SMAD2: variants seen among roughly 807,000 people sequenced by gnomAD.
SMAD2 encodes MAD homolog 2.
Under a neutral mutation model 64.4 loss-of-function variants are expected in SMAD2, and 8 were observed. That is an observed-to-expected ratio of 0.12 (90% confidence interval 0.07 to 0.22). The LOEUF is 0.22. Among genes scored for constraint, SMAD2 ranks in the 10% least tolerant of loss-of-function variants. The probability of loss-of-function intolerance (pLI) is 1.00; values close to 1 mark genes in which losing one functional copy is unlikely to be tolerated. For missense variants in SMAD2, 289 were observed against 561.2 expected, an observed-to-expected ratio of 0.51 and a Z score of 4.90; for synonymous variants, 203 against 195.8, an observed-to-expected ratio of 1.04 and a Z score of -0.31.
chr18:47,863,203 G>C (rs1303070254), intron 6 of SMAD2, among the ~76,000 whole-genome samples: 1 of 152,206 alleles, frequency 6.6e-6, no homozygotes, highest in South Asian at 2.1e-4. Context: ...GCATCAGTCA[G>C]AATTGTTTCT....
chr18:47,884,394 G>A (rs2032773872), intron 2 of SMAD2, among the ~76,000 whole-genome samples: 1 of 152,040 alleles, frequency 6.6e-6, no homozygotes, highest in African/African-American at 2.4e-5. Context: ...ACACGTCTAA[G>A]GTCCTACAGC....
chr18:47,922,582 T>C (rs1337380843), intron 1 of SMAD2: 1 of 152,056 alleles, frequency 6.6e-6, no homozygotes, highest in Non-Finnish European at 1.5e-5. Context: ...TCTCATATTC[T>C]GGTGCTTGCA....
chr18:47,851,648 G>A (rs2030096001), intron 6 of SMAD2, among the ~76,000 whole-genome samples: 1 of 151,934 alleles, frequency 6.6e-6, no homozygotes, highest in Non-Finnish European at 1.5e-5. Context: ...ATACATTTTT[G>A]TTCTGTGTCC....
At chr18:47,864,751 T>A (rs2031434507) in intron 6 of SMAD2, among the ~76,000 whole-genome samples, 1 of 152,284 alleles carries the variant, frequency 6.6e-6, no homozygotes, top group East Asian at 1.9e-4. Flanking sequence ...TACTTAGTCA[T>A]AGGGTTACTA....
intron 2 of SMAD2, among the ~76,000 whole-genome samples, chr18:47,873,073 C>G (rs1458978454): frequency 6.6e-6 from 1 of 151,988 alleles, no homozygotes; most frequent in Non-Finnish European, 1.5e-5. Context: ...GTCCTGGACT[C>G]AAGTGATCCT....
chr18:47,851,710 T>A (rs1280917580), intron 6 of SMAD2, among the ~76,000 whole-genome samples: 1 of 152,168 alleles, frequency 6.6e-6, no homozygotes, highest in Non-Finnish European at 1.5e-5. Context: ...TATTATTCTA[T>A]CAGATTGTTC....
At chr18:47,867,952 A>G (rs1048245529) in intron 5 of SMAD2, among the ~76,000 whole-genome samples, 11 of 152,182 alleles carry the variant, frequency 7.2e-5, no homozygotes, top group Non-Finnish European at 1.5e-4. Flanking sequence ...CATTGGGTGG[A>G]TATTCAGTTA....
Position 47,810,649 on chromosome 18 carries a change from T to C in SMAD2, c.*31178A>G, listed in dbSNP as rs1276590052. ...CTAACATTTGACTTGGAAATATAAA[T>C]AAAGCCCAGGCATGGTGGCTCATGC... On this transcript the variant is annotated 3_prime_UTR_variant, in exon 11 of 11. Transcript: ENST00000262160. 2.0e-5 allele frequency: 3 copies of C among 152,102 alleles called. No homozygotes were observed. Among genetic ancestry groups the C allele is most frequent in the African/African-American group, 7.2e-5 (3 of 41,418 alleles). 9.4% of individuals were successfully genotyped at this position (152,102 alleles called of 1,614,324 possible). A position where few individuals can be genotyped will look rare whatever the true frequency, so the allele number is the denominator to read the frequency against.
chr18:47,888,912 T>C (rs1003182377), intron 2 of SMAD2, among the ~76,000 whole-genome samples: 3 of 152,154 alleles, frequency 2.0e-5, no homozygotes, highest in Non-Finnish European at 2.9e-5. Context: ...GTAACTATTA[T>C]AAATATATTA....
chr18:47,903,647 T>G (rs896773881), intron 1 of SMAD2, among the ~76,000 whole-genome samples: 51 of 151,670 alleles, frequency 3.4e-4, no homozygotes, highest in Non-Finnish European at 1.3e-4. Flanking sequence ...ATAACTATAA[T>G]AAAAATGCTA....
rs1912758894 is a variant in SMAD2, at chr18:47,826,419, T to C, written c.*15408A>G. The C allele has an allele frequency of 6.6e-6, 1 of 152,256 alleles. No homozygotes were observed. Among genetic ancestry groups the C allele is most frequent in the Non-Finnish European group, 1.5e-5 (1 of 68,054 alleles). The allele number at this position is 152,256 out of a possible 1,614,324, so 9.4% of individuals were successfully genotyped here. ...ACACTGGGTTTAGCCATGTGGCTTGTTTCTGGTGAATGCTAGTTAGCATGA... is the reference window on the plus strand; with the variant it reads ...ACACTGGGTTTAGCCATGTGGCTTGCTTCTGGTGAATGCTAGTTAGCATGA... On this transcript the variant is annotated 3_prime_UTR_variant, in exon 11 of 11. Coordinates refer to ENST00000262160, the MANE Select transcript of SMAD2 (RefSeq NM_005901.6).
intron 2 of SMAD2, among the ~76,000 whole-genome samples, chr18:47,892,948 T>G (rs1204058650): frequency 1.3e-5 from 2 of 152,218 alleles, no homozygotes; most frequent in East Asian, 3.8e-4. Context: ...ACTTTTAACT[T>G]TACAGACCTC....
chr18:47,897,526 C>T (rs1182528800), intron 1 of SMAD2, among the ~76,000 whole-genome samples: 3 of 152,140 alleles, frequency 2.0e-5, no homozygotes, highest in East Asian at 1.9e-4. Flanking sequence ...GTCTATTCAG[C>T]GTCATTTTAC....
chr18:47,914,325 T>C (rs1324524854), intron 1 of SMAD2, among the ~76,000 whole-genome samples: 1 of 152,208 alleles, frequency 6.6e-6, no homozygotes, highest in Non-Finnish European at 1.5e-5. Context: ...AAAGAAATCT[T>C]GCTGTGCCTC....
chr18:47,856,977 C>T (rs1170038373), intron 6 of SMAD2, among the ~76,000 whole-genome samples: 1 of 150,430 alleles, frequency 6.6e-6, no homozygotes, highest in Admixed American at 6.6e-5. Context: ...CCTGCCTCAG[C>T]CTCCCAAGTA....
At chr18:47,850,807 GTATAA>G (rs372833038) in intron 7 of SMAD2, among the ~76,000 whole-genome samples, 6,752 of 17,800 alleles carry the variant, frequency 0.38, 1,439 homozygotes, top group Non-Finnish European at 0.47. Flanking sequence ...TATATATTAT[GTATAA>G]TATATTATAT....
chr18:47,885,054 A>C (rs557682181), intron 2 of SMAD2, among the ~76,000 whole-genome samples: 1 of 152,114 alleles, frequency 6.6e-6, no homozygotes, highest in Non-Finnish European at 1.5e-5. Context: ...ACTTAAAGAA[A>C]ACAAAAGCTA....
chr18:47,870,827 C>T (rs1598806899), intron 2 of SMAD2, among the ~76,000 whole-genome samples: 2 of 152,284 alleles, frequency 1.3e-5, no homozygotes, highest in East Asian at 3.9e-4. Flanking sequence ...CTCAATGAAT[C>T]ATACCTATAA....
At chr18:47,894,174 A>T (rs1598851393) in intron 2 of SMAD2, among the ~76,000 whole-genome samples, 1 of 152,168 alleles carries the variant, frequency 6.6e-6, no homozygotes, top group East Asian at 1.9e-4. Flanking sequence ...GCTCTGGATA[A>T]CCTCACTGCA....
Sources: gnomAD v4.1 joint callset for allele counts (sites outside exome capture counted in the v4.1 genomes callset) on GRCh38, gnomAD v4.1.1 for gene constraint, MANE v1.5 for transcripts, NCBI Gene and HGNC (gene_info 2026-07-23, HGNC 2026-07-21) for gene names.